Variants in PDE10A observed in about 807,000 individuals in gnomAD.
PDE10A encodes cAMP and cAMP-inhibited cGMP 3',5'-cyclic phosphodiesterase 10A.
A neutral mutation model predicts 97.7 loss-of-function variants in PDE10A; 39 were observed. That is an observed-to-expected ratio of 0.40 (90% CI 0.31 to 0.52). The LOEUF (loss-of-function observed/expected upper bound fraction) is 0.52. PDE10A is among the 20% of genes least tolerant of loss of function. The probability of loss-of-function intolerance (pLI) is 0.56; values close to 1 mark genes in which losing one functional copy is unlikely to be tolerated. For synonymous variants in PDE10A, 371 were observed against 376.8 expected (o/e 0.98, Z 0.18); for missense variants, 731 against 1,047.8 (o/e 0.70, Z 4.17).
At chr6:165,502,491 A>G (rs1383804055) in intron 2 of PDE10A, among the ~76,000 whole-genome samples, 1 of 152,258 alleles carries the variant, frequency 6.6e-6, no homozygotes, top group Non-Finnish European at 1.5e-5. Context: ...CAGAAATGAA[A>G]AACTCATTAA....
chr6:165,778,139 A>T (rs1778244364), intron 1 of PDE10A, among the ~76,000 whole-genome samples: 1 of 152,056 alleles, frequency 6.6e-6, no homozygotes, highest in Non-Finnish European at 1.5e-5. Context: ...CAGTGGCACG[A>T]TCTCAGTTCA....
chr6:165,441,506 G>T (rs897799007), intron 5 of PDE10A, among the ~76,000 whole-genome samples: 4 of 152,174 alleles, frequency 2.6e-5, no homozygotes, highest in Non-Finnish European at 4.4e-5. Context: ...GAAAGTTTAA[G>T]AATCTTGTCA....
At chr6:165,835,762 C>T (rs1227901787) in intron 1 of PDE10A, among the ~76,000 whole-genome samples, 6 of 152,136 alleles carry the variant, frequency 3.9e-5, no homozygotes, top group Non-Finnish European at 8.8e-5. Context: ...GGCCTTGGCA[C>T]AGCCAGCAGC....
intron 1 of PDE10A, among the ~76,000 whole-genome samples, chr6:165,609,047 A>G (rs1046581390): frequency 2.0e-5 from 3 of 152,076 alleles, no homozygotes; most frequent in African/African-American, 7.2e-5. Context: ...ATTTTCTCCC[A>G]TTCTGTAGGT....
At chr6:165,416,739 C>A (rs904258992) in intron 11 of PDE10A, among the ~76,000 whole-genome samples, 1 of 152,064 alleles carries the variant, frequency 6.6e-6, no homozygotes, top group Admixed American at 6.5e-5. Flanking sequence ...TTCTACCACA[C>A]ATATAACCAA....
chr6:165,502,941 A>G (rs1780980340), intron 2 of PDE10A, among the ~76,000 whole-genome samples: 1 of 152,212 alleles, frequency 6.6e-6, no homozygotes, highest in African/African-American at 2.4e-5. Context: ...GATAATATAC[A>G]TTCATGAAAA....
chr6:165,720,986 G>A (rs1408856340), intron 1 of PDE10A, among the ~76,000 whole-genome samples: 1 of 152,216 alleles, frequency 6.6e-6, no homozygotes, highest in Non-Finnish European at 1.5e-5. Context: ...AAAGAATGTT[G>A]AGGACGTATG....
rs557769540 is a variant in PDE10A, at chr6:165,782,881, GA to G, written c.-615+204647del. Reference sequence around the variant, plus strand: ...CCATTTCTGTATGGGAACCGTGTGTGATTTTTTAAATGCTGCTGCGTATGAA... The same window carrying G: ...CCATTTCTGTATGGGAACCGTGTGTGTTTTTTAAATGCTGCTGCGTATGAA... On this transcript the variant is annotated intron_variant, in intron 1 of 19. Transcript: ENST00000366882. 7.2e-5 allele frequency among the ~76,000 whole-genome samples: 11 copies of G among 152,296 alleles called. No homozygotes were observed. The South Asian group carries it at 2.3e-3, about 32-fold the overall frequency.
chr6:165,982,784 T>C (rs1289900924), intron 1 of PDE10A, among the ~76,000 whole-genome samples: 1 of 152,138 alleles, frequency 6.6e-6, no homozygotes, highest in Non-Finnish European at 1.5e-5. Flanking sequence ...AGTCCTCCCA[T>C]ACAGCTTTCC....
chr6:165,874,182 A>G (rs1213795815), intron 1 of PDE10A, among the ~76,000 whole-genome samples: 1 of 152,246 alleles, frequency 6.6e-6, no homozygotes, highest in Non-Finnish European at 1.5e-5. Flanking sequence ...GCTCACGTGC[A>G]GATCTCAAGT....
chr6:165,366,124 T>C (rs1185052014), intron 18 of PDE10A, among the ~76,000 whole-genome samples: 2 of 152,126 alleles, frequency 1.3e-5, no homozygotes, highest in Non-Finnish European at 2.9e-5. Flanking sequence ...ATAAACCTTA[T>C]ACATGATAAA....
chr6:165,905,136 G>A (rs980285666), intron 1 of PDE10A, among the ~76,000 whole-genome samples: 1 of 152,146 alleles, frequency 6.6e-6, no homozygotes, highest in African/African-American at 2.4e-5. Context: ...GTTATGCAGA[G>A]CCAAAGCCAT....
intron 3 of PDE10A, among the ~76,000 whole-genome samples, chr6:165,463,669 G>A (rs1378594502): frequency 6.8e-6 from 1 of 146,736 alleles, no homozygotes; most frequent in Non-Finnish European, 1.5e-5. Context: ...GACATGTTGG[G>A]AATAAGCCCC....
At chr6:165,448,569 C>A (rs180790675) in intron 5 of PDE10A, among the ~76,000 whole-genome samples, 84 of 152,286 alleles carry the variant, frequency 5.5e-4, no homozygotes, top group Middle Eastern at 3.4e-3. Context: ...TCATTTAATT[C>A]TACTGTAGAT....
At chr6:165,416,588 C>T (rs534193077) in intron 11 of PDE10A, among the ~76,000 whole-genome samples, 3 of 152,262 alleles carry the variant, frequency 2.0e-5, no homozygotes, top group East Asian at 3.9e-4. Context: ...TTATAATTTA[C>T]AAGACGCTTC....
At chr6:165,436,059 A>G (rs1436258688) in intron 5 of PDE10A, among the ~76,000 whole-genome samples, 1 of 152,230 alleles carries the variant, frequency 6.6e-6, no homozygotes, top group African/African-American at 2.4e-5. Flanking sequence ...AAATCCAAAC[A>G]TATTTTAAAA....
At chr6:165,709,240 G>A (rs1191972163) in intron 1 of PDE10A, among the ~76,000 whole-genome samples, 1 of 115,154 alleles carries the variant, frequency 8.7e-6, no homozygotes, top group East Asian at 2.7e-4. Flanking sequence ...ATGCTCCCGT[G>A]CTCTCTCCCC....
chr6:165,873,948 G>A (rs1781268372), intron 1 of PDE10A, among the ~76,000 whole-genome samples: 1 of 152,076 alleles, frequency 6.6e-6, no homozygotes, highest in Non-Finnish European at 1.5e-5. Flanking sequence ...TTCCATAAAT[G>A]GAAAACATAA....
At chr6:165,384,626 G>C in intron 17 of PDE10A, among the ~76,000 whole-genome samples, 1 of 86,762 alleles carries the variant, frequency 1.2e-5, no homozygotes, top group East Asian at 3.1e-4. Context: ...GTGTATGTGT[G>C]AGTGAGTGTG....
Sources: gnomAD v4.1 joint callset for allele counts (sites outside exome capture counted in the v4.1 genomes callset) on GRCh38, gnomAD v4.1.1 for gene constraint, MANE v1.5 for transcripts, NCBI Gene and HGNC (gene_info 2026-07-23, HGNC 2026-07-21) for gene names.